The following PREX1 variants were observed in gnomAD, a reference collection of about 807,000 sequenced individuals.
PREX1 encodes phosphatidylinositol-3,4,5-trisphosphate dependent Rac exchange factor 1, also known as phosphatidylinositol 3,4,5-trisphosphate-dependent Rac exchanger 1 protein.
PREX1 carries 41 observed loss-of-function variants against 198.3 expected under a neutral mutation model. The ratio of observed to expected loss-of-function variants is 0.21; its 90% CI spans 0.16 to 0.27. PREX1 has a LOEUF of 0.27. PREX1 is among the 10% of genes least tolerant of loss of function. The pLI is 1.00. For synonymous variants in PREX1, 843 were observed against 887.2 expected, an observed-to-expected ratio of 0.95 and a Z score of 0.89; for missense variants, 1,620 against 2,200.7, an observed-to-expected ratio of 0.74 and a Z score of 5.28.
At chr20:48,848,170 T>C in the PREX1 span, among the ~76,000 whole-genome samples, 1 of 152,318 alleles carries the variant, frequency 6.6e-6, no homozygotes, top group South Asian at 2.1e-4. Context: ...TCAACAGTTT[T>C]CCAAAGTGGT....
chr20:48,865,001 G>T, the PREX1 span, among the ~76,000 whole-genome samples: 1 of 152,106 alleles, frequency 6.6e-6, no homozygotes, highest in Admixed American at 6.6e-5. Flanking sequence ...CACACCTCAG[G>T]CAAAGTTTTT....
At position 48,797,146 on chromosome 20, in the gene PREX1, T is replaced by C. The variant is rs145396658; in HGVS notation, c.219+30496A>G. On this transcript the variant is annotated intron_variant, in intron 1 of 39. Coordinates refer to ENST00000371941, the MANE Select transcript of PREX1 (RefSeq NM_020820.4). Reference sequence around the variant, plus strand: ...GACTGATCACGGTGGAAAGCATTTCTGGAAATTCTCTAAATTCTATCATCC... The same window carrying C: ...GACTGATCACGGTGGAAAGCATTTCCGGAAATTCTCTAAATTCTATCATCC... 4.5e-3 allele frequency among the ~76,000 whole-genome samples: 681 copies of C among 152,208 alleles called. 5 individuals carry two copies. The highest frequency in any genetic ancestry group is 7.6e-3 in the Non-Finnish European group (516 of 68,012).
At chr20:48,762,523 T>C (rs991876905) in intron 1 of PREX1, among the ~76,000 whole-genome samples, 30 of 152,272 alleles carry the variant, frequency 2.0e-4, no homozygotes, top group African/African-American at 4.3e-4. Flanking sequence ...TTAAGAACCA[T>C]TGCATTATAG....
chr20:48,844,960 T>A, the PREX1 span, among the ~76,000 whole-genome samples: 1 of 152,222 alleles, frequency 6.6e-6, no homozygotes, highest in Non-Finnish European at 1.5e-5. Flanking sequence ...CAAGCAGTCC[T>A]ACAAGCACTT....
At chr20:48,794,838 T>C (rs2090353607) in intron 1 of PREX1, among the ~76,000 whole-genome samples, 1 of 152,152 alleles carries the variant, frequency 6.6e-6, no homozygotes, top group Admixed American at 6.5e-5. Context: ...AGCAGTCCTA[T>C]GGGGAAGCTG....
At chr20:48,632,784 AG>A (rs2089326043) in intron 33 of PREX1, 145 bp from the exon 34 acceptor site, 2 of 841,768 alleles carry the variant, frequency 2.4e-6, no homozygotes, top group Non-Finnish European at 3.7e-6. Flanking sequence ...CCGACTCTAC[AG>A]GGGTAGCCTC....
At chr20:48,884,171 CT>C in the PREX1 span, among the ~76,000 whole-genome samples, 2 of 148,654 alleles carry the variant, frequency 1.3e-5, no homozygotes, top group South Asian at 4.2e-4. Flanking sequence ...CAGCTGGTTT[CT>C]TTTTAGTTGG....
At position 48,658,166 on chromosome 20, in the gene PREX1, CA is replaced by C; in HGVS notation, c.1943del (p.Val648GlyfsTer105). On this transcript the variant is annotated frameshift_variant, in exon 17 of 40. Transcript: ENST00000371941. LOFTEE classifies it high-confidence loss of function. ...CCAGCGAGCCCCTCTGGACGGACTT[CA>C]CCACCACAGCCTTGTTCTTCTCCTC... is the stretch of plus-strand genomic sequence containing the variant. ...DIEEKNKAVV[V>X]KSVQRGSLAE... The C allele has an allele frequency of 6.2e-7, 1 of 1,614,214 alleles. No individual in the cohort carries two copies. Among genetic ancestry groups the C allele is most frequent in the Non-Finnish European group, 8.5e-7 (1 of 1,180,016 alleles).
chr20:48,799,829 G>A (rs1185132539), intron 1 of PREX1, among the ~76,000 whole-genome samples: 2 of 152,170 alleles, frequency 1.3e-5, no homozygotes, highest in Non-Finnish European at 2.9e-5. Context: ...CGGGCACAAG[G>A]GCCCTGCTTA....
At chr20:48,639,433 T>A (rs1273352476) in intron 30 of PREX1, among the ~76,000 whole-genome samples, 1 of 152,234 alleles carries the variant, frequency 6.6e-6, no homozygotes. Flanking sequence ...TAACAGGAAC[T>A]CACACATCCA....
chr20:48,787,188 C>A (rs761713738), intron 1 of PREX1, among the ~76,000 whole-genome samples: 13 of 152,112 alleles, frequency 8.5e-5, no homozygotes, highest in Non-Finnish European at 1.8e-4. Flanking sequence ...CCTGGCCCTC[C>A]CTGAGGAGGC....
chr20:48,824,831 A>G (rs901272411), intron 1 of PREX1, among the ~76,000 whole-genome samples: 3 of 151,958 alleles, frequency 2.0e-5, no homozygotes, highest in Non-Finnish European at 4.4e-5. Flanking sequence ...CAGAAGCCAC[A>G]CATGGCCCCT....
rs373030816 is a variant in PREX1 at position 48,625,868 on chromosome 20, G to T, written c.*17C>A. 6.4e-7 allele frequency: 1 copy of T among 1,558,966 alleles called. No homozygotes were observed. The highest frequency in any genetic ancestry group is 8.7e-7 in the Non-Finnish European group (1 of 1,152,260). ...CCAGCTCCAGAGGCCGCGGCCCAGC[G>T]TGGGGCATTTGGGTGTTCAGAGGTC... is the stretch of plus-strand genomic sequence containing the variant. On this transcript the variant is annotated 3_prime_UTR_variant, in exon 40 of 40. Coordinates refer to ENST00000371941, the MANE Select transcript of PREX1 (RefSeq NM_020820.4).
the PREX1 span, among the ~76,000 whole-genome samples, chr20:48,835,573 C>G: frequency 6.6e-6 from 1 of 152,172 alleles, no homozygotes; most frequent in East Asian, 1.9e-4. Context: ...AGGGAGTGGG[C>G]CCCACCTGTG....
chr20:48,769,929 T>C lies in PREX1; in HGVS notation c.220-22049A>G, dbSNP rs374879517. On this transcript the variant is annotated intron_variant, in intron 1 of 39. Transcript: ENST00000371941. Reference sequence around the variant, plus strand: ...CACACACGGTGAGGGAGAGAGCTTTTGTCTGTATTGTGCACTGCGGCAGCC... The same window carrying C: ...CACACACGGTGAGGGAGAGAGCTTTCGTCTGTATTGTGCACTGCGGCAGCC... 2.0e-5 allele frequency among the ~76,000 whole-genome samples: 3 copies of C among 152,208 alleles called. No homozygotes were observed. The South Asian group carries it at 6.2e-4, about 31-fold the overall frequency.
Position 48,676,271 on chromosome 20 carries a change from G to A in PREX1, c.1590-3C>T. 1 of 1,613,576 alleles carries A rather than the reference G, an allele frequency of 6.2e-7. No homozygotes were observed. Among genetic ancestry groups the A allele is most frequent in the South Asian group, 1.1e-5 (1 of 91,058 alleles). On this transcript the variant is annotated splice_polypyrimidine_tract_variant and splice_region_variant and intron_variant, in intron 13 of 39. Transcript: ENST00000371941. ...TCTTCAGGTGGTAATCACGGTCTCT[G>A]TGGAGAAGGTGAGCGCACAGTGAGC... is the stretch of plus-strand genomic sequence containing the variant.
chr20:48,747,650 G>A (rs901565867), intron 2 of PREX1, among the ~76,000 whole-genome samples, 159 bp downstream of exon 2: 3 of 152,244 alleles, frequency 2.0e-5, no homozygotes, highest in Non-Finnish European at 2.9e-5. Context: ...GCCTCCAGGG[G>A]CTGAAGGGAG....
At chr20:48,649,857 C>T in intron 24 of PREX1, 139 bp downstream of exon 24, 2 of 1,053,324 alleles carry the variant, frequency 1.9e-6, no homozygotes, top group East Asian at 2.6e-5. Flanking sequence ...GAGATGCTGT[C>T]CCATAAAGAG....
chr20:48,736,747 G>A (rs1356057285), intron 3 of PREX1, among the ~76,000 whole-genome samples: 1 of 152,212 alleles, frequency 6.6e-6, no homozygotes, highest in Non-Finnish European at 1.5e-5. Flanking sequence ...GGAAGAAAGA[G>A]TACAACTATT....
Sources: gnomAD v4.1 joint callset for allele counts (sites outside exome capture counted in the v4.1 genomes callset) on GRCh38, gnomAD v4.1.1 for gene constraint, MANE v1.5 for transcripts, NCBI Gene and HGNC (gene_info 2026-07-23, HGNC 2026-07-21) for gene names.